Variants in IRAG2 observed in about 807,000 individuals in gnomAD.
IRAG2 encodes the protein inositol 1,4,5-triphosphate receptor associated 2.
A neutral mutation model predicts 69.9 loss-of-function variants in IRAG2; 45 were observed. That is an observed-to-expected ratio of 0.64 (90% CI 0.51 to 0.83). The LOEUF is 0.83. Ranked by LOEUF, IRAG2 falls within the 40% of genes least tolerant of loss-of-function variation. The probability of loss-of-function intolerance (pLI) is 0.00; values close to 1 mark genes in which losing one functional copy is unlikely to be tolerated. For synonymous variants in IRAG2, 193 were observed against 202.4 expected (o/e 0.95, Z 0.40); for missense variants, 520 against 587.0 (o/e 0.89, Z 1.18).
chr12:25,073,742 G>A lies in IRAG2; in HGVS notation c.24+4311G>A, dbSNP rs1051274564. Among the ~76,000 whole-genome samples the A allele has an allele frequency of 3.3e-5, 5 of 149,438 alleles. No individual in the cohort carries two copies. In the Admixed American group the frequency reaches 3.4e-4, roughly 10 times the overall value. On this transcript the variant is annotated intron_variant, in intron 6 of 21. Coordinates refer to ENST00000556887, the MANE Select transcript of IRAG2 (RefSeq NM_001366544.2). Reference sequence around the variant, plus strand: ...ATTAGTTTATTTGGGATATTCTGGTGTAGTTAGGAAAGAAGGAAACAAATT... The same window carrying A: ...ATTAGTTTATTTGGGATATTCTGGTATAGTTAGGAAAGAAGGAAACAAATT...
intron 6 of IRAG2, among the ~76,000 whole-genome samples, chr12:25,070,398 C>T (rs1052411544): frequency 6.6e-6 from 1 of 152,192 alleles, no homozygotes; most frequent in Non-Finnish European, 1.5e-5. Flanking sequence ...CAGCTTCTTT[C>T]AGTTAAGGTT....
chr12:25,060,760 A>C lies in IRAG2; in HGVS notation c.-446-832A>C, dbSNP rs1271036405. Among the ~76,000 whole-genome samples, 3 of 149,244 alleles carry C rather than the reference A, an allele frequency of 2.0e-5. No individual in the cohort carries two copies. In the Admixed American group the frequency reaches 2.0e-4, roughly 10 times the overall value. ...ACTGCAACCTTCACCTCCCAGGTTC[A>C]AGTGATTCTCCTGCCTCAGCCTCCC... On this transcript the variant is annotated intron_variant, in intron 1 of 21. Coordinates refer to ENST00000556887, the MANE Select transcript of IRAG2 (RefSeq NM_001366544.2).
At chr12:25,094,509 A>G (rs748208339) in intron 14 of IRAG2, among the ~76,000 whole-genome samples, 7 of 152,180 alleles carry the variant, frequency 4.6e-5, no homozygotes, top group Non-Finnish European at 1.0e-4. Context: ...ATTAGGAAGT[A>G]TGAGTCCTCC....
upstream of IRAG2, among the ~76,000 whole-genome samples, chr12:25,051,967 G>T (rs1047481434): frequency 6.6e-6 from 1 of 152,214 alleles, no homozygotes; most frequent in Non-Finnish European, 1.5e-5. Flanking sequence ...AATGCAGCTG[G>T]TGGGAACTGA....
chr12:25,106,591 A>T (rs1466871093), intron 20 of IRAG2, among the ~76,000 whole-genome samples: 1 of 146,246 alleles, frequency 6.8e-6, no homozygotes, highest in Non-Finnish European at 1.5e-5. Flanking sequence ...ATTCATAGTA[A>T]TAACATTGGT....
chr12:25,083,390 CT>C lies in IRAG2; in HGVS notation c.245-32del, dbSNP rs755876766. The C allele has an allele frequency of 6.1e-6, 9 of 1,464,296 alleles. No individual in the cohort carries two copies. The South Asian group carries it at 9.1e-5, about 15-fold the overall frequency. 90.7% of individuals were successfully genotyped at this position (1,464,296 alleles called of 1,614,324 possible). A position where few individuals can be genotyped will look rare whatever the true frequency, so the allele number is the denominator to read the frequency against. ...TCCTCTTTTACTTGCTCCTGCCCCC[CT>C]AACTGCTTTGTGTGTTTCCTGTTTC... On this transcript the variant is annotated intron_variant, in intron 9 of 21. Transcript: ENST00000556887.
intron 5 of IRAG2, among the ~76,000 whole-genome samples, chr12:25,068,516 C>T (rs1045390852): frequency 5.9e-5 from 9 of 152,056 alleles, no homozygotes; most frequent in African/African-American, 2.2e-4. Context: ...CACCTCAGCC[C>T]CCTCCCCTCC....
chr12:25,071,774 T>C (rs1202200568), intron 6 of IRAG2, among the ~76,000 whole-genome samples: 4 of 151,624 alleles, frequency 2.6e-5, no homozygotes, highest in Non-Finnish European at 5.9e-5. Flanking sequence ...CATAATTACT[T>C]AGCATTACCT....
chr12:25,087,469 T>C (rs1002692110), intron 10 of IRAG2, among the ~76,000 whole-genome samples: 1 of 152,094 alleles, frequency 6.6e-6, no homozygotes, highest in African/African-American at 2.4e-5. Flanking sequence ...CGCCCTGCCA[T>C]TTCCTTCCTA....
intron 10 of IRAG2, chr12:25,030,398 T>G: frequency 9.0e-7 from 1 of 1,106,772 alleles, no homozygotes; most frequent in Non-Finnish European, 1.1e-6. Context: ...ATCTGATTCT[T>G]TTTTTTTTGA....
chr12:25,031,968 G>A (rs1161797017), intron 10 of IRAG2, among the ~76,000 whole-genome samples: 1 of 152,160 alleles, frequency 6.6e-6, no homozygotes, highest in Admixed American at 6.5e-5. Context: ...AGCCGTCCTT[G>A]TGTGTTTTTA....
At chr12:25,027,608 A>C (rs149553815) in intron 9 of IRAG2, among the ~76,000 whole-genome samples, 1 of 152,056 alleles carries the variant, frequency 6.6e-6, no homozygotes, top group African/African-American at 2.4e-5. Context: ...GTTAGCCAGG[A>C]TGGTCTCAAT....
chr12:25,023,882 C>T, exon 8 of IRAG2: 1 of 1,227,258 alleles, frequency 8.1e-7, no homozygotes, highest in Non-Finnish European at 1.0e-6. Flanking sequence ...AGACAGAAAA[C>T]CGGGCTCTGA....
intron 9 of IRAG2, among the ~76,000 whole-genome samples, chr12:25,027,786 T>A (rs1944635874): frequency 6.6e-6 from 1 of 152,208 alleles, no homozygotes; most frequent in African/African-American, 2.4e-5. Context: ...TTCAGGCTGT[T>A]TTCACTTTCT....
chr12:25,049,225 G>C (rs1276150675), upstream of IRAG2, among the ~76,000 whole-genome samples: 1 of 152,092 alleles, frequency 6.6e-6, no homozygotes, highest in African/African-American at 2.4e-5. Context: ...TTGGCTATTT[G>C]GGTTCTTTTT....
At chr12:25,017,195 G>A in exon 6 of IRAG2, 1 of 1,232,062 alleles carries the variant, frequency 8.1e-7, no homozygotes, top group Non-Finnish European at 1.0e-6. Flanking sequence ...AAAACTTGAG[G>A]AAGAAAATAA....
At chr12:24,998,464 CAAAGAG>C in the IRAG2 span, among the ~76,000 whole-genome samples, 8 of 152,222 alleles carry the variant, frequency 5.3e-5, no homozygotes, top group Admixed American at 1.3e-4. Flanking sequence ...ATAGTAGTCA[CAAAGAG>C]AATGAAAACA....
At chr12:25,082,958 G>C (rs988744472) in intron 9 of IRAG2, among the ~76,000 whole-genome samples, 7 of 151,980 alleles carry the variant, frequency 4.6e-5, no homozygotes, top group Non-Finnish European at 8.8e-5. Flanking sequence ...TTTCCTCTTG[G>C]TTTCATGACA....
intron 19 of IRAG2, 50 bp from the exon 20 acceptor site, chr12:25,104,311 G>A: frequency 8.3e-7 from 1 of 1,202,468 alleles, no homozygotes; most frequent in Non-Finnish European, 1.2e-6. Flanking sequence ...AATTGATAAT[G>A]GCTACAGATG....
Sources: allele counts gnomAD v4.1 joint callset (sites outside exome capture counted in the v4.1 genomes callset), GRCh38; gene constraint gnomAD v4.1.1; transcripts MANE v1.5; gene names NCBI Gene and HGNC (gene_info 2026-07-23, HGNC 2026-07-21).